The following OPCML variants were observed in gnomAD, a reference collection of about 807,000 sequenced individuals.
The protein encoded by OPCML is opioid-binding protein/cell adhesion molecule.
In OPCML, 13 loss-of-function variants were observed where a neutral mutation model predicts 37.8. That is an observed-to-expected ratio of 0.34 (90% CI 0.22 to 0.55). The LOEUF is 0.55. OPCML is among the 20% of genes least tolerant of loss of function. The pLI, the probability that OPCML is intolerant of heterozygous loss-of-function variation, is 0.91. For synonymous variants in OPCML, 176 were observed against 168.8 expected, an observed-to-expected ratio of 1.04 and a Z score of -0.33; for missense variants, 341 against 435.6, an observed-to-expected ratio of 0.78 and a Z score of 1.93.
chr11:132,522,384 C>T (rs1327093944), intron 4 of OPCML, among the ~76,000 whole-genome samples: 1 of 152,166 alleles, frequency 6.6e-6, no homozygotes, highest in Non-Finnish European at 1.5e-5. Flanking sequence ...TCACTTTTCT[C>T]CCAAGGCTGC....
At position 133,280,056 on chromosome 11, in the gene OPCML, C is replaced by T. The variant is rs576055183; in HGVS notation, c.61+252208G>A. Among the ~76,000 whole-genome samples, 62 of 152,232 alleles carry T rather than the reference C, an allele frequency of 4.1e-4. 1 individual carries two copies. The highest frequency in any genetic ancestry group is 2.2e-3 in the Admixed American group (33 of 15,298). On this transcript the variant is annotated intron_variant, in intron 1 of 7. Transcript: ENST00000524381. Reference sequence around the variant, plus strand: ...AGTATTTATTGAACCTAAACAGTTGCATTGTGTATGAGCATTGGGAGTGCA... The same window carrying T: ...AGTATTTATTGAACCTAAACAGTTGTATTGTGTATGAGCATTGGGAGTGCA...
chr11:133,266,963 G>A (rs1941680039), intron 1 of OPCML, among the ~76,000 whole-genome samples: 1 of 152,120 alleles, frequency 6.6e-6, no homozygotes. Flanking sequence ...TCAGAGACTT[G>A]CCTGTCAATC....
chr11:133,458,847 G>GTGTGTGTATATACACATAGATA (rs759641206), intron 1 of OPCML, among the ~76,000 whole-genome samples: 4 of 135,074 alleles, frequency 3.0e-5, no homozygotes, highest in African/African-American at 1.3e-4. Context: ...ACACATAGAT[G>GTGTGTGTATATACACATAGATA]CACGTGTGTG....
chr11:132,658,274 G>T (rs983598678), intron 2 of OPCML, among the ~76,000 whole-genome samples: 1 of 152,240 alleles, frequency 6.6e-6, no homozygotes, highest in African/African-American at 2.4e-5. Context: ...CAATGTCCTG[G>T]CAGAGAGAGG....
chr11:133,036,592 T>A (rs1350902981), intron 1 of OPCML, among the ~76,000 whole-genome samples: 1 of 152,252 alleles, frequency 6.6e-6, no homozygotes, highest in Non-Finnish European at 1.5e-5. Flanking sequence ...TGTTGTATTA[T>A]ACAATGACCT....
intron 1 of OPCML, among the ~76,000 whole-genome samples, chr11:133,091,808 A>T (rs1013684463): frequency 5.3e-5 from 8 of 152,136 alleles, no homozygotes; most frequent in Non-Finnish European, 1.2e-4. Flanking sequence ...TCTGATTTAA[A>T]CGATATTTAG....
intron 1 of OPCML, among the ~76,000 whole-genome samples, chr11:133,325,750 C>G (rs1943435009): frequency 6.6e-6 from 1 of 150,674 alleles, no homozygotes; most frequent in African/African-American, 2.5e-5. Flanking sequence ...GTTCAAAGTG[C>G]TCATATGGGA....
At chr11:133,049,318 C>T (rs1320517650) in intron 1 of OPCML, among the ~76,000 whole-genome samples, 1 of 152,116 alleles carries the variant, frequency 6.6e-6, no homozygotes, top group Non-Finnish European at 1.5e-5. Context: ...GAATTGTCAC[C>T]AGGGAGGAGA....
chr11:133,125,760 GTATA>G (rs1484092893), intron 1 of OPCML, among the ~76,000 whole-genome samples: 3 of 74,136 alleles, frequency 4.0e-5, no homozygotes, highest in East Asian at 4.6e-4. Context: ...ATATATACAT[GTATA>G]TATAGACACA....
rs7942828 is a variant in OPCML at position 133,148,514 on chromosome 11, T to C, written c.62-205504A>G. On this transcript the variant is annotated intron_variant, in intron 1 of 7. Transcript: ENST00000524381. Reference sequence around the variant, plus strand: ...CACAGCCCTGGGCACTGGTTTGGAATCTCTGTCCACTTTGCAGGAGACTGG... The same window carrying C: ...CACAGCCCTGGGCACTGGTTTGGAACCTCTGTCCACTTTGCAGGAGACTGG... Among the ~76,000 whole-genome samples, 164 of 151,272 alleles carry C rather than the reference T, an allele frequency of 1.1e-3. 1 individual carries two copies. The South Asian group carries it at 0.02, about 19-fold the overall frequency.
At chr11:132,856,374 T>A in intron 2 of OPCML, among the ~76,000 whole-genome samples, 1 of 152,068 alleles carries the variant, frequency 6.6e-6, no homozygotes, top group Non-Finnish European at 1.5e-5. Context: ...CCAAAGTGAT[T>A]GTGTTAGGGT....
At chr11:132,730,369 C>T (rs961789841) in intron 2 of OPCML, among the ~76,000 whole-genome samples, 7 of 152,066 alleles carry the variant, frequency 4.6e-5, no homozygotes, top group Non-Finnish European at 8.8e-5. Flanking sequence ...AAAGACACAA[C>T]AAGTAATCTT....
At chr11:132,931,563 T>C (rs1945203030) in intron 2 of OPCML, among the ~76,000 whole-genome samples, 1 of 152,188 alleles carries the variant, frequency 6.6e-6, no homozygotes, top group Non-Finnish European at 1.5e-5. Flanking sequence ...CATATCAACA[T>C]CACTAATCAT....
chr11:133,112,285 CAAAAAAAAAAAAAA>C (rs370146450), intron 1 of OPCML, among the ~76,000 whole-genome samples: 2 of 49,126 alleles, frequency 4.1e-5, no homozygotes, highest in African/African-American at 6.1e-5. Context: ...GACTCTTGGC[CAAAAAAAAAAAAAA>C]AAAAAAAAAA....
At chr11:133,115,984 T>A (rs371650292) in intron 1 of OPCML, among the ~76,000 whole-genome samples, 1 of 140,218 alleles carries the variant, frequency 7.1e-6, no homozygotes. Flanking sequence ...ATATATATAT[T>A]TTTGAGACGG....
chr11:133,402,401 T>C (rs1377767566), intron 1 of OPCML, among the ~76,000 whole-genome samples: 1 of 152,064 alleles, frequency 6.6e-6, no homozygotes, highest in Admixed American at 6.5e-5. Context: ...AACATAAACT[T>C]TGGGGAAGAC....
chr11:133,326,869 G>A (rs1943478524), intron 1 of OPCML, among the ~76,000 whole-genome samples: 1 of 146,582 alleles, frequency 6.8e-6, no homozygotes, highest in Non-Finnish European at 1.5e-5. Flanking sequence ...TGACGTGTGG[G>A]TGTGGGGGGT....
chr11:133,062,854 A>G (rs973928962), intron 1 of OPCML, among the ~76,000 whole-genome samples: 1 of 152,232 alleles, frequency 6.6e-6, no homozygotes, highest in South Asian at 2.1e-4. Context: ...ACTCCACAGC[A>G]GCCTCCCTAG....
intron 1 of OPCML, among the ~76,000 whole-genome samples, chr11:133,199,905 G>T (rs1404073177): frequency 2.0e-5 from 3 of 152,186 alleles, no homozygotes; most frequent in African/African-American, 4.8e-5. Flanking sequence ...GCCAGTAGAT[G>T]CTCAAATATG....
Sources: gnomAD v4.1 joint callset for allele counts (sites outside exome capture counted in the v4.1 genomes callset) on GRCh38, gnomAD v4.1.1 for gene constraint, MANE v1.5 for transcripts, NCBI Gene and HGNC (gene_info 2026-07-23, HGNC 2026-07-21) for gene names.